The following DIAPH2 variants were observed in gnomAD, a reference collection of about 807,000 sequenced individuals.
DIAPH2 encodes protein diaphanous homolog 2.
In DIAPH2, 35 loss-of-function variants were observed where a neutral mutation model predicts 92.7. The observed-to-expected ratio is 0.38, with a 90% CI of 0.29 to 0.50. The LOEUF is 0.50. Ranked by LOEUF, DIAPH2 falls within the 20% of genes least tolerant of loss-of-function variation. DIAPH2 has a pLI of 0.94. For missense variants in DIAPH2, 701 were observed against 819.5 expected (o/e 0.86, Z 1.77); for synonymous variants, 301 against 280.4 (o/e 1.07, Z -0.73).
At chrX:97,161,259 G>C (rs6620228) in intron 22 of DIAPH2, among the ~76,000 whole-genome samples, 35,127 of 108,941 alleles carry the variant, frequency 0.32, 4,663 homozygotes, top group East Asian at 0.62. Context: ...TTATGATGTA[G>C]ATAATACTTG....
chrX:97,241,172 A>T (rs1479613452), intron 22 of DIAPH2, among the ~76,000 whole-genome samples: 1 of 112,514 alleles, frequency 8.9e-6, no homozygotes, highest in South Asian at 3.7e-4. Flanking sequence ...CCTTAAGAGT[A>T]GTGCATACCT....
rs1555998004 is a variant in DIAPH2, at chrX:97,185,306, A to AAAT, written c.2719+43513_2719+43514insATA. Among the ~76,000 whole-genome samples the AAAT allele has an allele frequency of 7.8e-3, 270 of 34,450 alleles. 38 individuals carry two copies. The highest frequency in any genetic ancestry group is 0.042 in the African/African-American group (251 of 5,959). 29.9% of individuals were successfully genotyped at this position (34,450 alleles called of 115,157 possible). ...TGAGACCCTGTCTCAAAAAAAAAAA[A>AAAT]ATATATATATATATATATGTGTATA... On this transcript the variant is annotated intron_variant, in intron 22 of 26. Transcript: ENST00000324765.
chrX:97,559,363 G>A (rs573706911), intron 26 of DIAPH2, among the ~76,000 whole-genome samples: 5 of 109,965 alleles, frequency 4.5e-5, no homozygotes, highest in Non-Finnish European at 7.6e-5. Flanking sequence ...GGTGGTGCGC[G>A]CCTGTAGACC....
Position 97,348,267 on chromosome X carries a change from G to A in DIAPH2, c.2996G>A (p.Arg999Gln), listed in dbSNP as rs1569369481. 23 of 1,200,392 alleles carry A rather than the reference G, an allele frequency of 1.9e-5. No individual in the cohort carries two copies. The highest frequency in any genetic ancestry group is 2.6e-5 in the Non-Finnish European group (23 of 891,681). ...TTCTTTGGTGATCTCAACAACTTCC[G>A]AACTTTGTTTTTGGTAAGTAATACA... ...EEFFGDLNNFRTLFLEAVREN... is the reference protein window; with the variant it reads ...EEFFGDLNNFQTLFLEAVREN... Residue 999 changes from arginine to glutamine, a missense_variant, in exon 24 of 27, where the codon CGA becomes CAA. Physicochemically the swap from Arg to Gln is conservative, Grantham distance 43 (BLOSUM62 1). Coordinates refer to ENST00000324765, the MANE Select transcript of DIAPH2 (RefSeq NM_006729.5).
chrX:97,407,336 C>A (rs953384380), intron 25 of DIAPH2, among the ~76,000 whole-genome samples: 1 of 111,022 alleles, frequency 9.0e-6, no homozygotes, highest in South Asian at 3.7e-4. Context: ...GCAAATAATT[C>A]TCTTTATGAT....
At chrX:97,489,726 G>T (rs1472970553) in intron 26 of DIAPH2, among the ~76,000 whole-genome samples, 1 of 111,473 alleles carries the variant, frequency 9.0e-6, no homozygotes, top group East Asian at 2.8e-4. Context: ...TATTAATGTG[G>T]TGTAGCACAT....
At chrX:97,163,928 A>G (rs758448887) in intron 22 of DIAPH2, among the ~76,000 whole-genome samples, 2 of 112,213 alleles carry the variant, frequency 1.8e-5, no homozygotes, top group African/African-American at 6.5e-5. Flanking sequence ...TTTTCACATT[A>G]ACTTATTCAC....
intron 24 of DIAPH2, among the ~76,000 whole-genome samples, chrX:97,363,613 CCGATATCACGCCACTG>C (rs1369786490): frequency 6.9e-5 from 7 of 101,389 alleles, no homozygotes; most frequent in Admixed American, 3.3e-4. Flanking sequence ...TTGCTGTGAG[CCGATATCACGCCACTG>C]CACTCCAGCC....
rs143992091 is a variant in DIAPH2, at chrX:97,293,992, A to G, written c.2844+46153A>G. Among the ~76,000 whole-genome samples, 1,028 of 112,348 alleles carry G rather than the reference A, an allele frequency of 9.2e-3. 6 individuals are homozygous for G. Among genetic ancestry groups the G allele is most frequent in the African/African-American group, 0.031 (963 of 30,978 alleles). On this transcript the variant is annotated intron_variant, in intron 23 of 26. Coordinates refer to ENST00000324765, the MANE Select transcript of DIAPH2 (RefSeq NM_006729.5). ...GAGACCATGTGGAATATAAGCTTCT[A>G]TGTATAGGGGAGATCTTATAAAAAC... is the stretch of plus-strand genomic sequence containing the variant.
intron 17 of DIAPH2, among the ~76,000 whole-genome samples, chrX:97,025,503 A>T (rs930731146): frequency 1.4e-4 from 15 of 107,367 alleles, no homozygotes; most frequent in East Asian, 3.0e-4. Flanking sequence ...TACAAAAAAA[A>T]TAGCTGGGCG....
intron 22 of DIAPH2, among the ~76,000 whole-genome samples, chrX:97,186,327 G>C (rs756801290): frequency 1.8e-5 from 2 of 111,172 alleles, no homozygotes; most frequent in Non-Finnish European, 3.8e-5. Context: ...ACCTCCTACT[G>C]GTTGACACCA....
At chrX:97,426,019 A>C (rs1046856756) in intron 25 of DIAPH2, among the ~76,000 whole-genome samples, 2 of 110,180 alleles carry the variant, frequency 1.8e-5, no homozygotes, top group Non-Finnish European at 3.8e-5. Flanking sequence ...TCACTTTTGC[A>C]TTTCGGACCC....
chrX:97,570,198 T>G (rs190765755), intron 26 of DIAPH2, among the ~76,000 whole-genome samples: 85 of 94,613 alleles, frequency 9.0e-4, no homozygotes, highest in African/African-American at 3.2e-3. Context: ...AGGCCATATG[T>G]GTATATGTAT....
At chrX:96,830,842 G>T (rs1048013879) in intron 4 of DIAPH2, among the ~76,000 whole-genome samples, 1 of 111,082 alleles carries the variant, frequency 9.0e-6, no homozygotes, top group Non-Finnish European at 1.9e-5. Flanking sequence ...TCCTTCTATT[G>T]ACACAGTTTT....
intron 17 of DIAPH2, among the ~76,000 whole-genome samples, chrX:97,041,643 CA>C (rs2066449125): frequency 9.0e-6 from 1 of 111,069 alleles, no homozygotes; most frequent in Non-Finnish European, 1.9e-5. Flanking sequence ...TTGATAGGTG[CA>C]AAAAAATTGT....
intron 23 of DIAPH2, among the ~76,000 whole-genome samples, chrX:97,314,263 T>C (rs2068822337): frequency 9.6e-6 from 1 of 103,917 alleles, no homozygotes; most frequent in African/African-American, 3.5e-5. Flanking sequence ...AAAAAAAAAA[T>C]TATCTAGGTG....
chrX:96,871,712 G>A (rs1248880150), intron 4 of DIAPH2, among the ~76,000 whole-genome samples: 2 of 111,458 alleles, frequency 1.8e-5, no homozygotes, highest in Non-Finnish European at 3.8e-5. Context: ...ATATTAAAAT[G>A]TACTTATAAA....
intron 4 of DIAPH2, among the ~76,000 whole-genome samples, chrX:96,813,469 CTT>C (rs1224299548): frequency 9.0e-6 from 1 of 110,898 alleles, no homozygotes; most frequent in Non-Finnish European, 1.9e-5. Context: ...GGTCTTGACT[CTT>C]TATCCAATTT....
intron 26 of DIAPH2, among the ~76,000 whole-genome samples, chrX:97,444,866 AC>A (rs1166450963): frequency 3.6e-5 from 4 of 111,970 alleles, no homozygotes; most frequent in Non-Finnish European, 7.5e-5. Flanking sequence ...ACTCTTTTGC[AC>A]CTGGAAGAAC....
Sources: allele counts gnomAD v4.1 joint callset (sites outside exome capture counted in the v4.1 genomes callset), GRCh38; gene constraint gnomAD v4.1.1; transcripts MANE v1.5; gene names NCBI Gene and HGNC (gene_info 2026-07-23, HGNC 2026-07-21).